The following MAMDC2 variants were observed in gnomAD, a reference collection of about 807,000 sequenced individuals.
The protein encoded by MAMDC2 is MAM domain containing 2, also known as MAM domain-containing protein 2.
Under a neutral mutation model 89.8 loss-of-function variants are expected in MAMDC2, and 57 were observed. The ratio of observed to expected loss-of-function variants is 0.63; its 90% CI spans 0.51 to 0.79. The LOEUF (loss-of-function observed/expected upper bound fraction) is 0.79. Among genes scored for constraint, MAMDC2 ranks in the 30% least tolerant of loss-of-function variants. The probability of loss-of-function intolerance (pLI) is 0.00; values close to 1 mark genes in which losing one functional copy is unlikely to be tolerated. For synonymous variants in MAMDC2, 313 were observed against 293.4 expected (o/e 1.07, Z -0.68); for missense variants, 800 against 820.6 (o/e 0.97, Z 0.31).
At chr9:70,179,462 T>C (rs2032584813) in intron 11 of MAMDC2, among the ~76,000 whole-genome samples, 1 of 150,760 alleles carries the variant, frequency 6.6e-6, no homozygotes, top group Admixed American at 6.6e-5. Flanking sequence ...AGGCGGAGCT[T>C]GCAGTGAGCC....
intron 2 of MAMDC2, among the ~76,000 whole-genome samples, chr9:70,066,008 A>G (rs1343194995): frequency 2.6e-5 from 4 of 152,224 alleles, no homozygotes; most frequent in Non-Finnish European, 5.9e-5. Flanking sequence ...AGTGAATGAA[A>G]CAAAGTTCCG....
At chr9:70,209,830 TTG>T (rs1405509159) in intron 11 of MAMDC2, among the ~76,000 whole-genome samples, 1 of 152,248 alleles carries the variant, frequency 6.6e-6, no homozygotes, top group Non-Finnish European at 1.5e-5. Flanking sequence ...TTCTGGTATA[TTG>T]TGTCTTTGTT....
chr9:70,044,622 TC>T lies in MAMDC2; in HGVS notation c.75del (p.Cys26ValfsTer21). The T allele has an allele frequency of 6.4e-7, 1 of 1,551,246 alleles. No homozygotes were observed. Among genetic ancestry groups the T allele is most frequent in the Non-Finnish European group, 8.7e-7 (1 of 1,146,952 alleles). On this transcript the variant is annotated frameshift_variant, in exon 2 of 14. Coordinates refer to ENST00000377182, the MANE Select transcript of MAMDC2 (RefSeq NM_153267.5). LOFTEE classifies it high-confidence loss of function. ...LAGALDLPAG[S>X]CAFEESTCGF... The stretch of plus-strand genomic sequence containing the variant: ...CGGTGCCCTCGACCTGCCCGCTGGG[TC>T]CTGTGCCTTTGAAGAGAGCACTTGC...
intron 9 of MAMDC2, among the ~76,000 whole-genome samples, chr9:70,152,734 C>T (rs2031623153): frequency 6.6e-6 from 1 of 152,042 alleles, no homozygotes; most frequent in South Asian, 2.1e-4. Flanking sequence ...GGTCAAAATT[C>T]GGCATTATAG....
chr9:70,096,019 TAA>T (rs1286255483), intron 2 of MAMDC2, among the ~76,000 whole-genome samples: 2 of 152,114 alleles, frequency 1.3e-5, no homozygotes, highest in East Asian at 3.9e-4. Flanking sequence ...TAATTTAATT[TAA>T]GTTTTTTTTT....
Position 70,047,998 on chromosome 9 carries a change from C to T in MAMDC2, c.148+3301C>T, listed in dbSNP as rs374857294. ...ACAGAATAGGTAAGTTTTGACCAGG[C>T]ATTGTGTTGGCTTGGGTTATTTATC... On this transcript the variant is annotated intron_variant, in intron 2 of 13. Coordinates refer to ENST00000377182, the MANE Select transcript of MAMDC2 (RefSeq NM_153267.5). 5.9e-5 allele frequency among the ~76,000 whole-genome samples: 9 copies of T among 152,280 alleles called. No homozygotes were observed. In the East Asian group the frequency reaches 1.5e-3, roughly 26 times the overall value.
chr9:70,049,179 G>T (rs749554783), intron 2 of MAMDC2, among the ~76,000 whole-genome samples: 3 of 152,158 alleles, frequency 2.0e-5, no homozygotes, highest in Non-Finnish European at 2.9e-5. Flanking sequence ...ATCTGAGGCA[G>T]GCAGGTGGGC....
chr9:70,215,163 C>T (rs2033421006), intron 11 of MAMDC2, among the ~76,000 whole-genome samples: 1 of 152,124 alleles, frequency 6.6e-6, no homozygotes, highest in African/African-American at 2.4e-5. Context: ...GCAAAGGAGT[C>T]ACCAGTGAGG....
intron 6 of MAMDC2, among the ~76,000 whole-genome samples, chr9:70,130,006 TTCTGTGTG>T (rs1048756430): frequency 4.2e-5 from 3 of 70,596 alleles, no homozygotes; most frequent in Admixed American, 1.9e-4. Flanking sequence ...TCACATGGCA[TTCTGTGTG>T]TGTGTGTGTG....
intron 11 of MAMDC2, among the ~76,000 whole-genome samples, chr9:70,176,738 C>T (rs1332763999): frequency 6.6e-6 from 1 of 152,052 alleles, no homozygotes. Flanking sequence ...ATAAGAAAAA[C>T]AAGTTTTGCT....
chr9:70,157,370 CA>C (rs1244354929), intron 9 of MAMDC2: 5 of 152,192 alleles, frequency 3.3e-5, no homozygotes, highest in African/African-American at 1.2e-4. Flanking sequence ...TAGAAATTGA[CA>C]ATTCACACAT....
At chr9:70,091,433 C>T (rs553099559) in intron 2 of MAMDC2, among the ~76,000 whole-genome samples, 38 of 152,192 alleles carry the variant, frequency 2.5e-4, no homozygotes, top group African/African-American at 7.2e-4. Flanking sequence ...CCATGACTTT[C>T]GAATCTAAAA....
At position 70,103,241 on chromosome 9, in the gene MAMDC2, T is replaced by C. The variant is rs142137380; in HGVS notation, c.149-4970T>C. ...GTGTTCTGCATTATTCCCATTTTGA[T>C]ATTTAAATATATATGGAAATACAAG... On this transcript the variant is annotated intron_variant, in intron 2 of 13. Coordinates refer to ENST00000377182, the MANE Select transcript of MAMDC2 (RefSeq NM_153267.5). Among the ~76,000 whole-genome samples the C allele has an allele frequency of 7.1e-4, 108 of 152,348 alleles. 1 individual carries two copies. The highest frequency in any genetic ancestry group is 6.8e-3 in the Middle Eastern group (2 of 294).
rs370294911 is a variant in MAMDC2, at chr9:70,204,837, C to G, written c.1652-13500C>G. Among the ~76,000 whole-genome samples, 29 of 152,330 alleles carry G rather than the reference C, an allele frequency of 1.9e-4. 2 individuals carry two copies. The highest frequency in any genetic ancestry group is 6.7e-4 in the African/African-American group (28 of 41,584). On this transcript the variant is annotated intron_variant, in intron 11 of 13. Coordinates refer to ENST00000377182, the MANE Select transcript of MAMDC2 (RefSeq NM_153267.5). ...CGATTTTCCAGGTGTGTCCTTCACC[C>G]CTTTCTTTGACTTGGAAAGGGAACT... is the stretch of plus-strand genomic sequence containing the variant.
intron 11 of MAMDC2, among the ~76,000 whole-genome samples, chr9:70,197,685 A>T (rs907844010): frequency 6.6e-6 from 1 of 152,116 alleles, no homozygotes; most frequent in African/African-American, 2.4e-5. Flanking sequence ...AGACAATAAC[A>T]TTCTATTACA....
intron 7 of MAMDC2, among the ~76,000 whole-genome samples, chr9:70,135,531 TA>T (rs1221212994): frequency 6.6e-6 from 1 of 152,226 alleles, no homozygotes; most frequent in African/African-American, 2.4e-5. Flanking sequence ...ATCTATTCAT[TA>T]GCAAAATATT....
chr9:70,110,412 G>A (rs1357354152), intron 4 of MAMDC2, among the ~76,000 whole-genome samples: 1 of 152,208 alleles, frequency 6.6e-6, no homozygotes, highest in African/African-American at 2.4e-5. Context: ...GCAGGGAGGA[G>A]GAGAGGAAAT....
At position 70,113,128 on chromosome 9, in the gene MAMDC2, A is replaced by G. The variant is rs779240953; in HGVS notation, c.639A>G (p.Glu213=). The change falls in exon 5 of 14, where the codon GAA becomes GAG. Residue 213 remains glutamate, a synonymous_variant. Transcript: ENST00000377182. ...ILPQDHTFKS[E]LGHYMYVDSV... ...CACAGGATCACACCTTCAAGAGTGA[A>G]CTGGGTGAGCTGGGATCAAATAGAG... 4 of 1,613,966 alleles carry G rather than the reference A, an allele frequency of 2.5e-6. No individual in the cohort carries two copies. In the Admixed American group the frequency reaches 5.0e-5, roughly 20 times the overall value.
intron 7 of MAMDC2, among the ~76,000 whole-genome samples, chr9:70,134,281 T>A (rs1182881351): frequency 6.6e-6 from 1 of 151,406 alleles, no homozygotes; most frequent in Non-Finnish European, 1.5e-5. Context: ...GGCCCTCCAA[T>A]GAACTGCCCC....
Sources: gnomAD v4.1 joint callset for allele counts (sites outside exome capture counted in the v4.1 genomes callset) on GRCh38, gnomAD v4.1.1 for gene constraint, MANE v1.5 for transcripts, NCBI Gene and HGNC (gene_info 2026-07-23, HGNC 2026-07-21) for gene names.